The following NIBAN1 variants were observed in gnomAD, a reference collection of about 807,000 sequenced individuals.
NIBAN1 encodes the protein niban apoptosis regulator 1, also known as protein Niban 1.
A neutral mutation model predicts 75.1 loss-of-function variants in NIBAN1; 81 were observed. The observed-to-expected ratio is 1.08, with a 90% CI of 0.90 to 1.30. The LOEUF is 1.30. Among genes scored for constraint, NIBAN1 ranks in the 50% most tolerant of loss-of-function variants. The pLI is 0.00. For missense variants in NIBAN1, 1,133 were observed against 1,128.1 expected, an observed-to-expected ratio of 1.00 and a Z score of -0.06; for synonymous variants, 436 against 424.8, an observed-to-expected ratio of 1.03 and a Z score of -0.32.
intron 5 of NIBAN1, among the ~76,000 whole-genome samples, chr1:184,879,321 T>C (rs1482575656): frequency 2.0e-5 from 3 of 152,212 alleles, no homozygotes; most frequent in African/African-American, 7.2e-5. Flanking sequence ...TGTACTAAAG[T>C]GCCCAAAGGA....
intron 4 of NIBAN1, 108 bp downstream of exon 4, chr1:184,890,000 G>T: frequency 1.2e-6 from 1 of 851,124 alleles, no homozygotes; most frequent in Non-Finnish European, 1.9e-6. Context: ...TCCAGATGCT[G>T]CCAAATGTCC....
intron 9 of NIBAN1, among the ~76,000 whole-genome samples, chr1:184,815,627 A>G (rs1654505134): frequency 6.6e-6 from 1 of 152,182 alleles, no homozygotes; most frequent in Non-Finnish European, 1.5e-5. Flanking sequence ...TATTATGTGC[A>G]CTTATAGGGT....
At chr1:184,881,642 G>A (rs1250873638) in intron 5 of NIBAN1, among the ~76,000 whole-genome samples, 1 of 152,170 alleles carries the variant, frequency 6.6e-6, no homozygotes, top group Non-Finnish European at 1.5e-5. Context: ...CCAGAGGGCT[G>A]CTGGTTGCCC....
intron 1 of NIBAN1, among the ~76,000 whole-genome samples, chr1:184,930,810 T>C (rs918086231): frequency 1.3e-5 from 2 of 152,270 alleles, no homozygotes; most frequent in African/African-American, 4.8e-5. Context: ...ATGATTGTGG[T>C]CACCAAATGT....
At position 184,792,048 on chromosome 1, in the gene NIBAN1, C is replaced by T. The variant is rs1653711471; in HGVS notation, c.*2929G>A. The T allele has an allele frequency of 6.6e-6, 1 of 151,798 alleles. No homozygotes were observed. Among genetic ancestry groups the T allele is most frequent in the Non-Finnish European group, 1.5e-5 (1 of 68,010 alleles). 9.4% of individuals were successfully genotyped at this position (151,798 alleles called of 1,614,324 possible). ...CATAGTTCACTGCAGCCTCAACTTC[C>T]CTCGCTCAAACAATCCTCCTGCCTC... On this transcript the variant is annotated 3_prime_UTR_variant, in exon 14 of 14. Coordinates refer to ENST00000367511, the MANE Select transcript of NIBAN1 (RefSeq NM_052966.4).
At chr1:184,815,669 G>A (rs1385139700) in intron 9 of NIBAN1, among the ~76,000 whole-genome samples, 2 of 152,192 alleles carry the variant, frequency 1.3e-5, no homozygotes, top group African/African-American at 4.8e-5. Context: ...TTTGCAGCCA[G>A]CCTTATACAT....
Position 184,891,646 on chromosome 1 carries a change from T to A in NIBAN1, c.319-1424A>T, listed in dbSNP as rs527640943. ...GGCCCAGCAGTGAGTAGGTGACACA[T>A]CCAGGATTTATATTCATGCCTGTCC... On this transcript the variant is annotated intron_variant, in intron 3 of 13. Transcript: ENST00000367511. Among the ~76,000 whole-genome samples, 7 of 152,224 alleles carry A rather than the reference T, an allele frequency of 4.6e-5. No homozygotes were observed. In the South Asian group the frequency reaches 1.5e-3, roughly 32 times the overall value.
intron 1 of NIBAN1, among the ~76,000 whole-genome samples, chr1:184,921,492 G>C (rs1012542454): frequency 1.3e-5 from 2 of 152,112 alleles, no homozygotes; most frequent in African/African-American, 4.8e-5. Context: ...TGGGTAGTAG[G>C]CCCATAGATA....
intron 3 of NIBAN1, among the ~76,000 whole-genome samples, chr1:184,891,786 C>T (rs1656673240): frequency 6.6e-6 from 1 of 152,234 alleles, no homozygotes; most frequent in African/African-American, 2.4e-5. Flanking sequence ...CTTACAGGTA[C>T]TTAATGCATA....
chr1:184,908,030 C>G (rs1463038612), intron 1 of NIBAN1, among the ~76,000 whole-genome samples: 1 of 152,180 alleles, frequency 6.6e-6, no homozygotes, highest in African/African-American at 2.4e-5. Flanking sequence ...CCTCGTAGGG[C>G]TCAGCCAGCA....
intron 1 of NIBAN1, among the ~76,000 whole-genome samples, chr1:184,937,445 T>A (rs1477722299): frequency 6.6e-6 from 1 of 152,156 alleles, no homozygotes; most frequent in Admixed American, 6.5e-5. Context: ...CCCTTTCTTC[T>A]CCACACCACC....
chr1:184,879,563 G>C (rs997197909), intron 5 of NIBAN1, among the ~76,000 whole-genome samples: 6 of 152,096 alleles, frequency 3.9e-5, no homozygotes, highest in East Asian at 1.9e-4. Context: ...GCTGAGATTT[G>C]CTGCTGAGTG....
At chr1:184,836,433 A>G (rs1041093764) in intron 5 of NIBAN1, among the ~76,000 whole-genome samples, 1 of 152,200 alleles carries the variant, frequency 6.6e-6, no homozygotes, top group Non-Finnish European at 1.5e-5. Context: ...TTCCTCCTCT[A>G]CTGACCTCAG....
chr1:184,797,705 C>G (rs1208146360), intron 13 of NIBAN1, among the ~76,000 whole-genome samples: 1 of 152,154 alleles, frequency 6.6e-6, no homozygotes, highest in Non-Finnish European at 1.5e-5. Context: ...AAGAAAAGCC[C>G]TTTTCCCTTT....
At chr1:184,968,713 G>A (rs1658861910) in intron 1 of NIBAN1, among the ~76,000 whole-genome samples, 2 of 152,176 alleles carry the variant, frequency 1.3e-5, no homozygotes, top group South Asian at 4.1e-4. Context: ...CACGTAAAAA[G>A]AAGATAACTG....
intron 13 of NIBAN1, 125 bp downstream of exon 13, chr1:184,797,954 G>C (rs954054390): frequency 3.6e-5 from 18 of 505,074 alleles, no homozygotes; most frequent in Admixed American, 6.8e-5. Flanking sequence ...CTCACTGTCT[G>C]TCTCCCTCCC....
At chr1:184,914,785 A>G (rs1005538809) in intron 1 of NIBAN1, among the ~76,000 whole-genome samples, 1 of 147,592 alleles carries the variant, frequency 6.8e-6, no homozygotes, top group African/African-American at 2.5e-5. Flanking sequence ...CAGTGGCGTG[A>G]TCTCGCAGCT....
intron 5 of NIBAN1, among the ~76,000 whole-genome samples, chr1:184,882,570 T>C (rs955544087): frequency 1.8e-4 from 28 of 152,200 alleles, no homozygotes; most frequent in Admixed American, 3.3e-4. Context: ...GACCTCATTA[T>C]CTTGGTGCCT....
intron 9 of NIBAN1, among the ~76,000 whole-genome samples, chr1:184,809,673 GTATA>G (rs767621572): frequency 7.7e-6 from 1 of 129,476 alleles, no homozygotes; most frequent in East Asian, 2.1e-4. Context: ...ATGTGTGTGT[GTATA>G]TATATATACA....
Sources: allele counts gnomAD v4.1 joint callset (sites outside exome capture counted in the v4.1 genomes callset), GRCh38; gene constraint gnomAD v4.1.1; transcripts MANE v1.5; gene names NCBI Gene and HGNC (gene_info 2026-07-23, HGNC 2026-07-21).